The following CHCHD3 variants were observed in gnomAD, a reference collection of about 807,000 sequenced individuals.
The protein encoded by CHCHD3 is coiled-coil-helix-coiled-coil-helix domain containing 3.
In CHCHD3, 20 loss-of-function variants were observed where a neutral mutation model predicts 38.2. The observed-to-expected ratio is 0.52, with a 90% CI of 0.37 to 0.76. The LOEUF is 0.76. Ranked by LOEUF, CHCHD3 falls within the 30% of genes least tolerant of loss-of-function variation. The pLI, the probability that CHCHD3 is intolerant of heterozygous loss-of-function variation, is 0.00. For synonymous variants in CHCHD3, 82 were observed against 100.0 expected (o/e 0.82, Z 1.07); for missense variants, 245 against 279.2 (o/e 0.88, Z 0.87).
At chr7:133,067,597 T>A (rs917166332) in intron 2 of CHCHD3, among the ~76,000 whole-genome samples, 1 of 152,232 alleles carries the variant, frequency 6.6e-6, no homozygotes, top group Non-Finnish European at 1.5e-5. Context: ...GGTATTTATA[T>A]GCAAGACCCG....
rs960507488 is a variant in CHCHD3 at position 132,870,364 on chromosome 7, A to G, written c.453+15298T>C. On this transcript the variant is annotated intron_variant, in intron 5 of 7. Transcript: ENST00000262570. ...GACCTATCTCACCAAAAAAAAAAAA[A>G]AAAAAAGATAAATACTTCAAATAGA... Among the ~76,000 whole-genome samples, 4 of 151,926 alleles carry G rather than the reference A, an allele frequency of 2.6e-5. No homozygotes were observed. The East Asian group carries it at 5.8e-4, about 22-fold the overall frequency.
intron 4 of CHCHD3, among the ~76,000 whole-genome samples, chr7:132,932,181 G>A (rs1483518301): frequency 2.6e-5 from 4 of 152,110 alleles, no homozygotes; most frequent in Admixed American, 6.6e-5. Flanking sequence ...CAACATGGCC[G>A]GGCTCTGCCA....
At chr7:132,824,939 T>C (rs977077829) in intron 6 of CHCHD3, among the ~76,000 whole-genome samples, 1 of 152,242 alleles carries the variant, frequency 6.6e-6, no homozygotes, top group Non-Finnish European at 1.5e-5. Context: ...CATGTTAGCA[T>C]TTAACATGTT....
chr7:132,850,033 G>A (rs1276819809), intron 5 of CHCHD3, among the ~76,000 whole-genome samples: 1 of 152,142 alleles, frequency 6.6e-6, no homozygotes, highest in Non-Finnish European at 1.5e-5. Flanking sequence ...TAAGCCCTAA[G>A]ATGTTTGCTT....
At chr7:132,841,401 CAA>C (rs10718893) in intron 5 of CHCHD3, among the ~76,000 whole-genome samples, 12 of 126,878 alleles carry the variant, frequency 9.5e-5, no homozygotes, top group Non-Finnish European at 1.7e-4. Context: ...AGAACTCATT[CAA>C]AAAAAAAAAA....
At position 132,941,996 on chromosome 7, in the gene CHCHD3, T is replaced by A. The variant is rs577462946; in HGVS notation, c.369+33173A>T. On this transcript the variant is annotated intron_variant, in intron 4 of 7. Transcript: ENST00000262570. ...CATTTGAAAGATGAGAAAACTGAGA[T>A]ACAAAGACTGGACTGTGCCCAAAGG... 7.3e-5 allele frequency among the ~76,000 whole-genome samples: 11 copies of A among 151,542 alleles called. No homozygotes were observed. In the South Asian group the frequency reaches 2.3e-3, roughly 31 times the overall value.
chr7:132,974,287 C>T (rs898185587), intron 4 of CHCHD3, among the ~76,000 whole-genome samples: 7 of 152,164 alleles, frequency 4.6e-5, no homozygotes, highest in African/African-American at 1.7e-4. Context: ...TTTAAACCTT[C>T]TTCTGTCTGT....
chr7:132,818,558 A>T (rs1807265048), intron 6 of CHCHD3, among the ~76,000 whole-genome samples: 1 of 152,230 alleles, frequency 6.6e-6, no homozygotes, highest in African/African-American at 2.4e-5. Flanking sequence ...TTATAAGAAG[A>T]AAACTTGTTA....
chr7:132,879,808 G>A (rs1370002475), intron 5 of CHCHD3, among the ~76,000 whole-genome samples: 4 of 141,658 alleles, frequency 2.8e-5, no homozygotes, highest in Non-Finnish European at 6.0e-5. Flanking sequence ...ATTAATCAAA[G>A]TATGAGCAAG....
At position 133,035,261 on chromosome 7, in the gene CHCHD3, CT is replaced by C; in HGVS notation, c.170-10635del. On this transcript the variant is annotated intron_variant, in intron 2 of 7. Coordinates refer to ENST00000262570, the MANE Select transcript of CHCHD3 (RefSeq NM_017812.4). The surrounding 1 kb of genome is among the most constrained non-coding windows in gnomAD (Gnocchi z 4.7). ...CCTTTTTAGGCTGGGTCTCTGCAAA[CT>C]TTTTAGCATCAAACTGGGCCATCTT... is the stretch of plus-strand genomic sequence containing the variant. 6.2e-7 allele frequency: 1 copy of C among 1,613,646 alleles called. No individual in the cohort carries two copies. Among genetic ancestry groups the C allele is most frequent in the Non-Finnish European group, 8.5e-7 (1 of 1,179,628 alleles).
intron 4 of CHCHD3, among the ~76,000 whole-genome samples, chr7:132,924,914 T>C (rs894216129): frequency 1.3e-5 from 2 of 152,128 alleles, no homozygotes; most frequent in Admixed American, 6.6e-5. Context: ...TTCAACCAGA[T>C]CCCATTTCTT....
At chr7:132,893,384 T>A (rs570220792) in intron 4 of CHCHD3, among the ~76,000 whole-genome samples, 1 of 152,326 alleles carries the variant, frequency 6.6e-6, no homozygotes, top group East Asian at 1.9e-4. Context: ...ACCCCCACTT[T>A]ATCTTGGAAG....
At chr7:132,829,643 A>G (rs72607790) in intron 6 of CHCHD3, among the ~76,000 whole-genome samples, 4,621 of 152,266 alleles carry the variant, frequency 0.03, 434 homozygotes, top group East Asian at 0.21. Flanking sequence ...AACAGAGAAG[A>G]ATGCTCCAGG....
intron 7 of CHCHD3, among the ~76,000 whole-genome samples, chr7:132,792,260 C>T (rs1806480490): frequency 6.6e-6 from 1 of 152,198 alleles, no homozygotes; most frequent in Non-Finnish European, 1.5e-5. Flanking sequence ...TTACGGCTGG[C>T]TGGAGGGAGC....
chr7:132,786,624 G>A (rs538041239), intron 7 of CHCHD3, among the ~76,000 whole-genome samples: 2 of 152,160 alleles, frequency 1.3e-5, no homozygotes, highest in South Asian at 2.1e-4. Flanking sequence ...AGGTGAGGCC[G>A]AGGTTGCCTC....
At chr7:132,823,883 A>G in intron 6 of CHCHD3, among the ~76,000 whole-genome samples, 1 of 152,162 alleles carries the variant, frequency 6.6e-6, no homozygotes, top group East Asian at 1.9e-4. Flanking sequence ...CTAATCATAT[A>G]CCATTTCAAT....
At chr7:132,939,623 G>T (rs572805267) in intron 4 of CHCHD3, among the ~76,000 whole-genome samples, 2 of 152,204 alleles carry the variant, frequency 1.3e-5, no homozygotes, top group South Asian at 4.1e-4. Flanking sequence ...TGTTATTTAT[G>T]ACTGTACCAA....
rs572657522 is a variant in CHCHD3 at position 133,040,784 on chromosome 7, C to G, written c.170-16157G>C. On this transcript the variant is annotated intron_variant, in intron 2 of 7. Transcript: ENST00000262570. ...TAGTTTGCAGATCCAGCCAAAGAGC[C>G]CATTTACACAAGAGCAAAAAGGGGA... Among the ~76,000 whole-genome samples the G allele has an allele frequency of 6.6e-5, 10 of 152,178 alleles. No homozygotes were observed. In the South Asian group the frequency reaches 2.1e-3, roughly 32 times the overall value.
At chr7:133,012,899 G>A (rs1035966072) in intron 3 of CHCHD3, among the ~76,000 whole-genome samples, 10 of 151,262 alleles carry the variant, frequency 6.6e-5, no homozygotes, top group Non-Finnish European at 1.5e-4. Flanking sequence ...ACATCAAAAG[G>A]TCAGGGCTGG....
Sources: gnomAD v4.1 joint callset for allele counts (sites outside exome capture counted in the v4.1 genomes callset) on GRCh38, gnomAD v4.1.1 for gene constraint, Gnocchi (gnomAD v3.1) non-coding constraint, MANE v1.5 for transcripts, NCBI Gene and HGNC (gene_info 2026-07-23, HGNC 2026-07-21) for gene names.